The following ARHGAP15 variants were observed in gnomAD, a reference collection of about 807,000 sequenced individuals.
ARHGAP15 encodes the protein rho GTPase-activating protein 15.
Under a neutral mutation model 63.7 loss-of-function variants are expected in ARHGAP15, and 51 were observed. The observed-to-expected ratio is 0.80, with a 90% CI of 0.64 to 1.01. The LOEUF is 1.01. ARHGAP15 is among the 50% of genes least tolerant of loss of function. The probability of loss-of-function intolerance (pLI) is 0.00; values close to 1 mark genes in which losing one functional copy is unlikely to be tolerated. For missense variants in ARHGAP15, 560 were observed against 564.6 expected (o/e 0.99, Z 0.08); for synonymous variants, 191 against 193.8 (o/e 0.99, Z 0.12).
At chr2:143,518,795 G>A (rs1031600472) in intron 9 of ARHGAP15, 18 of 152,970 alleles carry the variant, frequency 1.2e-4, no homozygotes, top group Admixed American at 1.0e-3. Flanking sequence ...AATTCACTTC[G>A]AAGCAAGTCT....
intron 6 of ARHGAP15, among the ~76,000 whole-genome samples, chr2:143,360,588 C>T (rs1026878042): frequency 6.6e-6 from 1 of 151,990 alleles, no homozygotes; most frequent in Non-Finnish European, 1.5e-5. Context: ...AAACAGGAAA[C>T]CTGAGTTTGC....
At chr2:143,356,950 G>A (rs1354037614) in intron 6 of ARHGAP15, among the ~76,000 whole-genome samples, 1 of 152,180 alleles carries the variant, frequency 6.6e-6, no homozygotes, top group African/African-American at 2.4e-5. Context: ...GGTGCAGTAA[G>A]CCACTGAACA....
At chr2:143,488,826 C>G (rs1371085829) in intron 9 of ARHGAP15, among the ~76,000 whole-genome samples, 1 of 152,194 alleles carries the variant, frequency 6.6e-6, no homozygotes, top group Non-Finnish European at 1.5e-5. Flanking sequence ...ATACACATTA[C>G]TAATAGAATA....
chr2:143,158,705 T>A (rs1371237590), intron 2 of ARHGAP15, among the ~76,000 whole-genome samples: 1 of 151,910 alleles, frequency 6.6e-6, no homozygotes, highest in Non-Finnish European at 1.5e-5. Context: ...GTCTTTGGTC[T>A]CAGTGATTTG....
At chr2:143,381,412 G>A (rs893259828) in intron 6 of ARHGAP15, among the ~76,000 whole-genome samples, 1 of 151,984 alleles carries the variant, frequency 6.6e-6, no homozygotes, top group Admixed American at 6.6e-5. Context: ...TTTGCAGTTG[G>A]CACTGATTCT....
At chr2:143,764,636 C>A (rs1686886623) in intron 13 of ARHGAP15, among the ~76,000 whole-genome samples, 1 of 152,146 alleles carries the variant, frequency 6.6e-6, no homozygotes, top group Non-Finnish European at 1.5e-5. Flanking sequence ...GCTATAGACC[C>A]CTTCCAGCTT....
At chr2:143,356,485 C>T (rs536853724) in intron 6 of ARHGAP15, among the ~76,000 whole-genome samples, 3 of 151,948 alleles carry the variant, frequency 2.0e-5, no homozygotes, top group South Asian at 2.1e-4. Flanking sequence ...AAAAATAGTG[C>T]GAAACACTCC....
At chr2:143,523,588 A>G (rs190720781) in intron 10 of ARHGAP15, among the ~76,000 whole-genome samples, 1 of 152,284 alleles carries the variant, frequency 6.6e-6, no homozygotes. Flanking sequence ...GATATTTTAT[A>G]TAAGAGTAGT....
intron 6 of ARHGAP15, among the ~76,000 whole-genome samples, chr2:143,365,747 A>G (rs1411103548): frequency 6.6e-6 from 1 of 152,200 alleles, no homozygotes; most frequent in Admixed American, 6.5e-5. Context: ...ATTTATATGT[A>G]AAATAGCAAT....
At chr2:143,278,506 C>T (rs569757202) in intron 6 of ARHGAP15, among the ~76,000 whole-genome samples, 1 of 152,186 alleles carries the variant, frequency 6.6e-6, no homozygotes, top group South Asian at 2.1e-4. Flanking sequence ...ACTGAGAATG[C>T]CTGCTAAATT....
intron 6 of ARHGAP15, among the ~76,000 whole-genome samples, chr2:143,266,574 G>A (rs1344486627): frequency 6.6e-6 from 1 of 152,056 alleles, no homozygotes; most frequent in South Asian, 2.1e-4. Flanking sequence ...TGTTCACTTA[G>A]CATATTTAAG....
chr2:143,595,484 G>T (rs779403848), intron 11 of ARHGAP15, among the ~76,000 whole-genome samples: 5 of 151,910 alleles, frequency 3.3e-5, no homozygotes, highest in African/African-American at 1.2e-4. Flanking sequence ...TACCATCTTC[G>T]CTTACACATT....
At chr2:143,276,284 T>G (rs1465185998) in intron 6 of ARHGAP15, among the ~76,000 whole-genome samples, 1 of 152,232 alleles carries the variant, frequency 6.6e-6, no homozygotes. Flanking sequence ...CTTTCACGTG[T>G]ATCATTTCTA....
At chr2:143,357,009 C>T (rs1381466273) in intron 6 of ARHGAP15, among the ~76,000 whole-genome samples, 2 of 152,168 alleles carry the variant, frequency 1.3e-5, no homozygotes, top group African/African-American at 4.8e-5. Flanking sequence ...CTGTAATCCT[C>T]AGCTCTGCTT....
At chr2:143,219,813 G>T (rs967544262) in intron 4 of ARHGAP15, among the ~76,000 whole-genome samples, 2 of 152,172 alleles carry the variant, frequency 1.3e-5, no homozygotes, top group Non-Finnish European at 2.9e-5. Context: ...TGAAGCTGAG[G>T]ATCACTTTAT....
intron 6 of ARHGAP15, among the ~76,000 whole-genome samples, chr2:143,385,722 G>A (rs902715871): frequency 6.6e-6 from 1 of 152,086 alleles, no homozygotes; most frequent in Non-Finnish European, 1.5e-5. Context: ...GTACCATATT[G>A]TTCTCCGAAA....
intron 6 of ARHGAP15, among the ~76,000 whole-genome samples, chr2:143,352,733 A>G (rs1685623489): frequency 6.6e-6 from 1 of 152,206 alleles, no homozygotes; most frequent in Non-Finnish European, 1.5e-5. Context: ...CTGATGGTCA[A>G]CCCAGCTCAC....
chr2:143,586,537 A>G (rs1002793184), intron 11 of ARHGAP15, among the ~76,000 whole-genome samples: 19 of 151,864 alleles, frequency 1.3e-4, no homozygotes, highest in African/African-American at 4.4e-4. Context: ...TCAGTCATGC[A>G]TATTTTATTT....
chr2:143,449,981 G>A (rs1434235332), intron 8 of ARHGAP15, among the ~76,000 whole-genome samples: 1 of 151,706 alleles, frequency 6.6e-6, no homozygotes, highest in Middle Eastern at 3.4e-3. Flanking sequence ...AATTTTAGTA[G>A]TGCCTAGATT....
Sources: gnomAD v4.1 joint callset for allele counts (sites outside exome capture counted in the v4.1 genomes callset) on GRCh38, gnomAD v4.1.1 for gene constraint, MANE v1.5 for transcripts, NCBI Gene and HGNC (gene_info 2026-07-23, HGNC 2026-07-21) for gene names.